FLT3: variants seen among roughly 807,000 people sequenced by gnomAD.
FLT3 encodes receptor-type tyrosine-protein kinase FLT3.
A neutral mutation model predicts 126.6 loss-of-function variants in FLT3; 46 were observed. The ratio of observed to expected loss-of-function variants is 0.36; its 90% CI spans 0.29 to 0.46. The LOEUF (loss-of-function observed/expected upper bound fraction) is 0.46. Among genes scored for constraint, FLT3 ranks in the 20% least tolerant of loss-of-function variants. The pLI is 1.00. For synonymous variants in FLT3, 404 were observed against 434.4 expected, an observed-to-expected ratio of 0.93 and a Z score of 0.87; for missense variants, 1,069 against 1,190.3, an observed-to-expected ratio of 0.90 and a Z score of 1.50.
intron 1 of FLT3, among the ~76,000 whole-genome samples, chr13:28,081,844 CTTTTTTTTT>C (rs35243277): frequency 7.7e-5 from 5 of 64,974 alleles, no homozygotes; most frequent in African/African-American, 1.4e-4. Flanking sequence ...TACTTTGATT[CTTTTTTTTT>C]TTTTTTTTTT....
chr13:28,084,832 G>A (rs886191844), intron 1 of FLT3, among the ~76,000 whole-genome samples: 10 of 151,984 alleles, frequency 6.6e-5, no homozygotes, highest in South Asian at 4.2e-4. Flanking sequence ...AAAATTAGCC[G>A]GGCGTGGTGG....
intron 2 of FLT3, among the ~76,000 whole-genome samples, chr13:28,064,534 T>C (rs1263575868): frequency 6.6e-6 from 1 of 151,140 alleles, no homozygotes; most frequent in East Asian, 2.0e-4. Flanking sequence ...ATGGCACTAC[T>C]GTACTCCAGC....
chr13:28,073,098 T>C (rs1013293530), intron 1 of FLT3, among the ~76,000 whole-genome samples: 2 of 152,104 alleles, frequency 1.3e-5, no homozygotes, highest in Admixed American at 6.6e-5. Context: ...CCCAGCACTT[T>C]GGGAGGCTGA....
chr13:28,011,139 G>A (rs189325020), intron 23 of FLT3, among the ~76,000 whole-genome samples: 7 of 150,870 alleles, frequency 4.6e-5, no homozygotes, highest in African/African-American at 1.2e-4. Flanking sequence ...GTGAAACTCC[G>A]TCTCTGCTAA....
At chr13:28,053,069 G>A (rs1185095880) in intron 4 of FLT3, among the ~76,000 whole-genome samples, 1 of 152,008 alleles carries the variant, frequency 6.6e-6, no homozygotes, top group Non-Finnish European at 1.5e-5. Context: ...CTGCAACTAG[G>A]CAGAAATATA....
At position 28,049,887 on chromosome 13, in the gene FLT3, C is replaced by G. The variant is rs1279711059; in HGVS notation, c.743-113G>C. Reference sequence around the variant, plus strand: ...TTAGCATCATCTCAAATATTACTAACCACATTAATAAAAGAAGCTTTTAGA... The same window carrying G: ...TTAGCATCATCTCAAATATTACTAAGCACATTAATAAAAGAAGCTTTTAGA... On this transcript the variant is annotated intron_variant, in intron 6 of 23. Coordinates refer to ENST00000241453, the MANE Select transcript of FLT3 (RefSeq NM_004119.3). 3 of 1,212,280 alleles carry G rather than the reference C, an allele frequency of 2.5e-6. No individual in the cohort carries two copies. The Admixed American group carries it at 7.8e-5, about 32-fold the overall frequency. 75.1% of individuals were successfully genotyped at this position (1,212,280 alleles called of 1,614,324 possible).
Position 28,004,152 on chromosome 13 carries a change from C to A in FLT3, c.2882G>T (p.Arg961Leu), listed in dbSNP as rs373674960. 2 of 1,613,972 alleles carry A rather than the reference C, an allele frequency of 1.2e-6. No individual in the cohort carries two copies. The highest frequency in any genetic ancestry group is 3.3e-5 in the Admixed American group (2 of 60,004). Reference sequence around the variant, plus strand: ...GTAGGTGTGAGGACATTCCGAAACACGGCCATCCACATTCTGATACATCTG... The same window carrying A: ...GTAGGTGTGAGGACATTCCGAAACAAGGCCATCCACATTCTGATACATCTG... ...EEAMYQNVDG[R>L]VSECPHTYQN... Residue 961 changes from arginine to leucine, a missense_variant, in exon 24 of 24, where the codon CGT becomes CTT. By Grantham distance (102) the Arg-to-Leu change is moderately radical (BLOSUM62 -2). Transcript: ENST00000241453.
chr13:28,059,412 G>A (rs999296980), intron 3 of FLT3, among the ~76,000 whole-genome samples: 2 of 152,162 alleles, frequency 1.3e-5, no homozygotes, highest in Non-Finnish European at 2.9e-5. Flanking sequence ...TCGGCAAGAG[G>A]ACAAGGACAG....
In FLT3 at chr13:28,096,525, C is replaced by T. The variant is rs540220220; in HGVS notation, c.43+3943G>A. 5.3e-5 allele frequency among the ~76,000 whole-genome samples: 8 copies of T among 152,114 alleles called. No individual in the cohort carries two copies. In the East Asian group the frequency reaches 1.6e-3, roughly 30 times the overall value. On this transcript the variant is annotated intron_variant, in intron 1 of 23. Coordinates refer to ENST00000241453, the MANE Select transcript of FLT3 (RefSeq NM_004119.3). Reference sequence around the variant, plus strand: ...AATCTTGGCTCACTGCAACCTCTGCCTCCCAGGCTCAAGTGATTCTCCTGC... The same window carrying T: ...AATCTTGGCTCACTGCAACCTCTGCTTCCCAGGCTCAAGTGATTCTCCTGC...
At chr13:28,009,236 T>C (rs1010438225) in intron 23 of FLT3, 7 of 152,256 alleles carry the variant, frequency 4.6e-5, no homozygotes, top group African/African-American at 1.4e-4. Context: ...TTTCTTCCCC[T>C]GTACTGAAAC....
chr13:28,073,351 G>A (rs61953167), intron 1 of FLT3: 2 of 215,714 alleles, frequency 9.3e-6, no homozygotes, highest in African/African-American at 7.8e-5. Context: ...CCTCATCTCT[G>A]GAAAAAAAAA....
chr13:28,081,365 G>T (rs1426505509), intron 1 of FLT3, among the ~76,000 whole-genome samples: 2 of 151,884 alleles, frequency 1.3e-5, no homozygotes, highest in Admixed American at 6.6e-5. Flanking sequence ...TCATATTTTT[G>T]GATACTATTT....
At chr13:28,033,006 G>A (rs370544332) in intron 15 of FLT3, among the ~76,000 whole-genome samples, 1 of 152,134 alleles carries the variant, frequency 6.6e-6, no homozygotes, top group African/African-American at 2.4e-5. Flanking sequence ...AACGAAGTGA[G>A]GATACAAAGG....
chr13:28,064,261 A>G (rs1030262633), intron 2 of FLT3, among the ~76,000 whole-genome samples: 3 of 152,256 alleles, frequency 2.0e-5, no homozygotes, highest in Non-Finnish European at 2.9e-5. Context: ...TGAATACACA[A>G]TTCAAGAAAA....
Position 28,036,020 on chromosome 13 carries a change from C to A in FLT3, c.1333G>T (p.Ala445Ser), listed in dbSNP as rs777517159. 1.2e-5 allele frequency: 20 copies of A among 1,614,054 alleles called. No individual in the cohort carries two copies. The East Asian group carries it at 4.5e-4, about 36-fold the overall frequency. ...AAACAGGACGCCTGACTTGCCGATG[C>A]TTCTGCGAGCACTTGAGGTTTCCCT... ...IRRKPQVLAE[A>S]SASQASCFSD... The change falls in exon 11 of 24, where the codon GCA becomes TCA. Residue 445 changes from alanine (A) to serine (S), a missense_variant. Physicochemically the swap from Ala to Ser is moderately conservative, Grantham distance 99. Coordinates refer to ENST00000241453, the MANE Select transcript of FLT3 (RefSeq NM_004119.3).
rs951764584 is a variant in FLT3 at position 28,015,765 on chromosome 13, T to C, written c.2542-64A>G. ...CACATACAGACATGACTTCTTTTCT[T>C]TTGTATTAAGATGAAATGCATCATC... is the stretch of plus-strand genomic sequence containing the variant. On this transcript the variant is annotated intron_variant, in intron 20 of 23. Coordinates refer to ENST00000241453, the MANE Select transcript of FLT3 (RefSeq NM_004119.3). 2.5e-5 allele frequency: 24 copies of C among 969,570 alleles called. No homozygotes were observed. In the African/African-American group the frequency reaches 3.4e-4, roughly 14 times the overall value. 60.1% of individuals were successfully genotyped at this position (969,570 alleles called of 1,614,324 possible).
At position 28,034,391 on chromosome 13, in the gene FLT3, G is replaced by C. The variant is rs765114589; in HGVS notation, c.1614C>G (p.Ile538Met). Residue 538 changes from isoleucine to methionine, a missense_variant, in exon 13 of 24, where the codon ATC becomes ATG. Coordinates refer to ENST00000241453, the MANE Select transcript of FLT3 (RefSeq NM_004119.3). ...LLNSPGPFPF[I>M]QDNISFYATI... ...TTGCATAGAATGAGATGTTGTCTTG[G>C]ATGAAAGGGAAGGGGCCTGCAACAA... 1 of 1,613,572 alleles carries C rather than the reference G, an allele frequency of 6.2e-7. No individual in the cohort carries two copies. Among genetic ancestry groups the C allele is most frequent in the Non-Finnish European group, 8.5e-7 (1 of 1,179,492 alleles).
At chr13:28,087,436 T>C (rs1285413884) in intron 1 of FLT3, among the ~76,000 whole-genome samples, 2 of 152,226 alleles carry the variant, frequency 1.3e-5, no homozygotes, top group African/African-American at 2.4e-5. Context: ...TTTTTTTCTC[T>C]GGATGCTTTT....
intron 6 of FLT3, 23 bp from the exon 7 acceptor site, chr13:28,049,797 G>C (rs1258677837): frequency 9.4e-6 from 15 of 1,590,044 alleles, no homozygotes; most frequent in African/African-American, 1.4e-5. Flanking sequence ...AACATCCCAA[G>C]TGAGAAAAAA....
Sources: gnomAD v4.1 joint callset for allele counts (sites outside exome capture counted in the v4.1 genomes callset) on GRCh38, gnomAD v4.1.1 for gene constraint, MANE v1.5 for transcripts, NCBI Gene and HGNC (gene_info 2026-07-23, HGNC 2026-07-21) for gene names.